The following OPCML variants were observed in gnomAD, a reference collection of about 807,000 sequenced individuals.
OPCML encodes opioid binding protein/cell adhesion molecule like, also known as opioid-binding protein/cell adhesion molecule.
A neutral mutation model predicts 37.8 loss-of-function variants in OPCML; 13 were observed. The ratio of observed to expected loss-of-function variants is 0.34; its 90% CI spans 0.22 to 0.55. The LOEUF (loss-of-function observed/expected upper bound fraction) is 0.55, where lower values mean the gene tolerates loss of function less well. Among genes scored for constraint, OPCML ranks in the 20% least tolerant of loss-of-function variants. OPCML has a pLI of 0.91. For synonymous variants in OPCML, 176 were observed against 168.8 expected (o/e 1.04, Z -0.33); for missense variants, 341 against 435.6 (o/e 0.78, Z 1.93).
At chr11:133,481,594 G>A (rs1469883218) in intron 1 of OPCML, among the ~76,000 whole-genome samples, 2 of 152,162 alleles carry the variant, frequency 1.3e-5, no homozygotes, top group African/African-American at 4.8e-5. Context: ...TCTTAAATCA[G>A]TGGTGAAATC....
chr11:132,498,858 G>A (rs1445440920), intron 4 of OPCML, among the ~76,000 whole-genome samples: 1 of 152,140 alleles, frequency 6.6e-6, no homozygotes, highest in Non-Finnish European at 1.5e-5. Flanking sequence ...GATTTGAAGA[G>A]GAATGAACAT....
chr11:133,325,236 A>G (rs1943421592), intron 1 of OPCML, among the ~76,000 whole-genome samples: 1 of 152,238 alleles, frequency 6.6e-6, no homozygotes, highest in African/African-American at 2.4e-5. Context: ...AGCGAATGCG[A>G]GAAGTTCTGA....
intron 2 of OPCML, among the ~76,000 whole-genome samples, chr11:132,786,556 T>A (rs1486325063): frequency 1.3e-5 from 2 of 152,154 alleles, no homozygotes; most frequent in Non-Finnish European, 2.9e-5. Context: ...TAACATTTAC[T>A]TTTTTTGCCT....
chr11:133,085,761 G>A (rs1211716903), intron 1 of OPCML, among the ~76,000 whole-genome samples: 1 of 152,238 alleles, frequency 6.6e-6, no homozygotes, highest in Non-Finnish European at 1.5e-5. Context: ...GGTCTAAATA[G>A]GCATTCTAGG....
chr11:132,774,407 G>C lies in OPCML; in HGVS notation c.147-117088C>G, dbSNP rs536354269. Among the ~76,000 whole-genome samples, 61 of 151,744 alleles carry C rather than the reference G, an allele frequency of 4.0e-4. 1 individual carries two copies. The South Asian group carries it at 0.011, about 27-fold the overall frequency. On this transcript the variant is annotated intron_variant, in intron 2 of 7. Coordinates refer to ENST00000524381, the MANE Select transcript of OPCML (RefSeq NM_001012393.5). ...AACGTACAAAGTGTTTTTTTTCATC[G>C]TACAGGCTCCGACCAATAAGAATGG...
chr11:133,354,658 T>C (rs1944241764), intron 1 of OPCML, among the ~76,000 whole-genome samples: 2 of 152,210 alleles, frequency 1.3e-5, no homozygotes, highest in Non-Finnish European at 2.9e-5. Context: ...TTTGCAGTAT[T>C]TTCTGTGTAC....
At chr11:133,053,071 CT>C (rs1299885665) in intron 1 of OPCML, among the ~76,000 whole-genome samples, 1 of 152,210 alleles carries the variant, frequency 6.6e-6, no homozygotes, top group Non-Finnish European at 1.5e-5. Context: ...TTCAGCTGGC[CT>C]TTGAACAGGA....
At chr11:132,961,179 A>T in intron 1 of OPCML, among the ~76,000 whole-genome samples, 1 of 152,172 alleles carries the variant, frequency 6.6e-6, no homozygotes, top group Non-Finnish European at 1.5e-5. Flanking sequence ...AGATATAGAC[A>T]CTGACACAGA....
chr11:133,034,314 T>TATAGGG (rs1193814972), intron 1 of OPCML, among the ~76,000 whole-genome samples: 1 of 150,938 alleles, frequency 6.6e-6, no homozygotes, highest in East Asian at 2.0e-4. Context: ...TATAGGTGTG[T>TATAGGG]GTGTGTGTGT....
chr11:133,008,884 C>G, intron 1 of OPCML: 1 of 985,382 alleles, frequency 1.0e-6, no homozygotes, highest in Non-Finnish European at 1.2e-6. Context: ...CCTAATATAT[C>G]TGGTCATATG....
At chr11:133,324,918 A>G (rs1943413792) in intron 1 of OPCML, among the ~76,000 whole-genome samples, 1 of 152,190 alleles carries the variant, frequency 6.6e-6, no homozygotes, top group African/African-American at 2.4e-5. Flanking sequence ...TATATTCTAT[A>G]TATGTATATT....
At chr11:132,994,119 C>G (rs1946832982) in intron 1 of OPCML, among the ~76,000 whole-genome samples, 1 of 152,206 alleles carries the variant, frequency 6.6e-6, no homozygotes, top group South Asian at 2.1e-4. Flanking sequence ...ATTAGACAAC[C>G]CTTCCCCAGA....
intron 1 of OPCML, chr11:133,024,359 C>G (rs1212699283): frequency 1.0e-6 from 1 of 985,240 alleles, no homozygotes; most frequent in Non-Finnish European, 1.2e-6. Flanking sequence ...AAACAGCACA[C>G]GTGTCCATTG....
chr11:132,569,000 A>G (rs946201119), intron 3 of OPCML, among the ~76,000 whole-genome samples: 1 of 152,200 alleles, frequency 6.6e-6, no homozygotes, highest in African/African-American at 2.4e-5. Context: ...TGGATCGCCA[A>G]TGGTAAATGT....
chr11:133,513,612 T>C (rs1948203425), intron 1 of OPCML, among the ~76,000 whole-genome samples: 1 of 152,228 alleles, frequency 6.6e-6, no homozygotes, highest in Non-Finnish European at 1.5e-5. Flanking sequence ...GTACATTGTG[T>C]TTTGTTAACG....
chr11:132,508,013 G>A (rs952080597), intron 4 of OPCML, among the ~76,000 whole-genome samples: 1 of 152,034 alleles, frequency 6.6e-6, no homozygotes, highest in Non-Finnish European at 1.5e-5. Context: ...AATGGGAAAA[G>A]GGGTATTCTT....
At chr11:132,520,735 T>A (rs1005401062) in intron 4 of OPCML, among the ~76,000 whole-genome samples, 1 of 151,764 alleles carries the variant, frequency 6.6e-6, no homozygotes, top group Non-Finnish European at 1.5e-5. Context: ...AAGTTGTATT[T>A]ATAAAGTTGT....
At chr11:132,998,744 T>C (rs1028981653) in intron 1 of OPCML, among the ~76,000 whole-genome samples, 14 of 152,032 alleles carry the variant, frequency 9.2e-5, no homozygotes, top group Non-Finnish European at 1.9e-4. Context: ...GGTGTTCTTA[T>C]AAAAGGCCCA....
chr11:132,673,290 C>CATG (rs959478534), intron 2 of OPCML, among the ~76,000 whole-genome samples: 13 of 151,786 alleles, frequency 8.6e-5, no homozygotes, highest in African/African-American at 2.2e-4. Flanking sequence ...ACATAAAATG[C>CATG]ATGATGATGA....
Sources: gnomAD v4.1 joint callset for allele counts (sites outside exome capture counted in the v4.1 genomes callset) on GRCh38, gnomAD v4.1.1 for gene constraint, MANE v1.5 for transcripts, NCBI Gene and HGNC (gene_info 2026-07-23, HGNC 2026-07-21) for gene names.